RFC5: variants seen among roughly 807,000 people sequenced by gnomAD.
The protein encoded by RFC5 is replication factor C subunit 5, also known as A1 36 kDa subunit.
In RFC5, 26 loss-of-function variants were observed where a neutral mutation model predicts 44.3. The observed-to-expected ratio is 0.59, with a 90% CI of 0.43 to 0.81. RFC5 has a LOEUF of 0.81. Ranked by LOEUF, RFC5 falls within the 40% of genes least tolerant of loss-of-function variation. The probability of loss-of-function intolerance (pLI) is 0.00; values close to 1 mark genes in which losing one functional copy is unlikely to be tolerated. For missense variants in RFC5, 328 were observed against 418.6 expected, an observed-to-expected ratio of 0.78 and a Z score of 1.89; for synonymous variants, 155 against 155.2, an observed-to-expected ratio of 1.00 and a Z score of 0.01.
downstream of RFC5, chr12:118,035,574 G>A: frequency 2.2e-6 from 1 of 452,976 alleles, no homozygotes; most frequent in Non-Finnish European, 4.0e-6. Flanking sequence ...AAGTAGGTCA[G>A]CCCTCACTTT....
At chr12:118,038,859 TTAGTA>T in the RFC5 span, among the ~76,000 whole-genome samples, 4 of 152,138 alleles carry the variant, frequency 2.6e-5, no homozygotes, top group Admixed American at 2.6e-4. Flanking sequence ...TTTTGTACTT[TTAGTA>T]GAGACAGGGT....
chr12:118,033,971 C>T, downstream of RFC5: 1 of 569,344 alleles, frequency 1.8e-6, no homozygotes, highest in Non-Finnish European at 3.1e-6. Context: ...ACGTAAGGCT[C>T]TGTTGCCGTG....
intron 1 of RFC5, among the ~76,000 whole-genome samples, chr12:118,017,136 A>G (rs369072182): frequency 6.6e-4 from 100 of 152,234 alleles, no homozygotes; most frequent in African/African-American, 2.3e-3. Context: ...GCCGAAGAAG[A>G]AGGCGGCTTT....
rs2030343260 is a variant in RFC5, at chr12:118,019,583, AG to A, written c.131-47del. 1 of 1,610,488 alleles carries A rather than the reference AG, an allele frequency of 6.2e-7. No homozygotes were observed. Among genetic ancestry groups the A allele is most frequent in the Non-Finnish European group, 8.5e-7 (1 of 1,177,704 alleles). ...CCAACTCAGGAGCCCAGGGTGAATG[AG>A]GCAGCTCCCAAAGACTGATGGTGCC... On this transcript the variant is annotated intron_variant, in intron 2 of 10. Coordinates refer to ENST00000454402, the MANE Select transcript of RFC5 (RefSeq NM_007370.7). This position sits in a 1 kb window ranked among gnomAD's most constrained non-coding sequence, Gnocchi z 4.2.
At chr12:118,032,473 T>C (rs1415883047), downstream of RFC5, 1 of 152,196 alleles carries the variant, frequency 6.6e-6, no homozygotes, top group Non-Finnish European at 1.5e-5. Context: ...TTTTATGTGT[T>C]TATTTTTTGA....
downstream of RFC5, among the ~76,000 whole-genome samples, chr12:118,036,695 T>C (rs1409579668): frequency 3.9e-5 from 6 of 152,106 alleles, no homozygotes; most frequent in Non-Finnish European, 8.8e-5. Flanking sequence ...TCTGGATTCT[T>C]GAGGATTTAA....
chr12:118,035,173 C>T (rs1396747375), downstream of RFC5: 1 of 1,613,168 alleles, frequency 6.2e-7, no homozygotes, highest in Non-Finnish European at 8.5e-7. Context: ...TACTTGCAAG[C>T]ACTTGTTCTG....
intron 4 of RFC5, among the ~76,000 whole-genome samples, chr12:118,021,910 T>A (rs944352620): frequency 1.3e-5 from 2 of 151,534 alleles, no homozygotes; most frequent in African/African-American, 4.9e-5. Context: ...CGAGCCAAGA[T>A]CGCGGCACTG....
chr12:118,027,564 C>T (rs1424553345), intron 8 of RFC5, among the ~76,000 whole-genome samples: 3 of 150,832 alleles, frequency 2.0e-5, no homozygotes, highest in Non-Finnish European at 4.4e-5. Context: ...TCCAGCTACT[C>T]GGGAGGCTGA....
intron 8 of RFC5, among the ~76,000 whole-genome samples, chr12:118,027,653 CAG>C (rs1412391480): frequency 6.9e-6 from 1 of 145,092 alleles, no homozygotes; most frequent in Non-Finnish European, 1.5e-5. Flanking sequence ...GCCTGGGTGA[CAG>C]AGGGAGATTC....
chr12:118,025,530 T>C, intron 6 of RFC5: 2 of 480,842 alleles, frequency 4.2e-6, no homozygotes, highest in Non-Finnish European at 3.7e-6. Flanking sequence ...AAATTCAGGC[T>C]GTTCTCGATT....
downstream of RFC5, chr12:118,034,046 T>C: frequency 1.9e-6 from 2 of 1,046,744 alleles, no homozygotes; most frequent in Non-Finnish European, 2.8e-6. Context: ...CCATGACTAG[T>C]ACACTGGAAT....
intron 8 of RFC5, chr12:118,027,286 T>C (rs892075802): frequency 1.2e-5 from 5 of 407,508 alleles, no homozygotes; most frequent in Non-Finnish European, 1.8e-5. Context: ...GGCCTTGGCA[T>C]TGAAGATGCA....
chr12:118,018,656 C>T (rs1005545638), intron 1 of RFC5, among the ~76,000 whole-genome samples: 1 of 151,950 alleles, frequency 6.6e-6, no homozygotes, highest in Admixed American at 6.6e-5. Flanking sequence ...GGCTGGAGTG[C>T]TGGAGTGCAG....
At chr12:118,028,354 G>A (rs2031091752) in intron 9 of RFC5, among the ~76,000 whole-genome samples, 2 of 151,878 alleles carry the variant, frequency 1.3e-5, no homozygotes, top group Non-Finnish European at 2.9e-5. Context: ...GCATGGTGGC[G>A]CACGCCTGTA....
At chr12:118,036,462 C>T (rs1292799648), downstream of RFC5, 1 of 1,614,056 alleles carries the variant, frequency 6.2e-7, no homozygotes, top group Admixed American at 1.7e-5. Flanking sequence ...CTTTGATGGC[C>T]CTCTAGCTTC....
Position 118,024,988 on chromosome 12 carries a change from G to A in RFC5, c.559G>A (p.Glu187Lys), listed in dbSNP as rs772149737. The A allele has an allele frequency of 1.9e-6, 3 of 1,613,666 alleles. No homozygotes were observed. Among genetic ancestry groups the A allele is most frequent in the African/African-American group, 2.7e-5 (2 of 74,888 alleles). Residue 187 changes from glutamate to lysine, a missense_variant, in exon 6 of 11, where the codon GAA (glutamate) becomes AAA (lysine). Transcript: ENST00000454402. Reference sequence around the variant, plus strand: ...TCCTGAACTCATGGTTCCCCGCCTGGAACATGTCGTGGAAGAAGAGAAGTG... The same window carrying A: ...TCCTGAACTCATGGTTCCCCGCCTGAAACATGTCGTGGAAGAAGAGAAGTG... The part of the protein sequence containing the change: ...LTPELMVPRL[E>K]HVVEEEKVDI...
chr12:118,017,634 C>T, intron 1 of RFC5: 2 of 1,025,306 alleles, frequency 2.0e-6, no homozygotes, highest in Non-Finnish European at 2.4e-6. Flanking sequence ...TTAAAAAAAA[C>T]CCAGAAGATT....
At chr12:118,022,854 A>G (rs2030609805) in intron 5 of RFC5, among the ~76,000 whole-genome samples, 1 of 152,098 alleles carries the variant, frequency 6.6e-6, no homozygotes. Flanking sequence ...AGAAATCTCT[A>G]TGCCTTTCTC....
Sources: gnomAD v4.1 joint callset for allele counts (sites outside exome capture counted in the v4.1 genomes callset) on GRCh38, gnomAD v4.1.1 for gene constraint, Gnocchi (gnomAD v3.1) non-coding constraint, MANE v1.5 for transcripts, NCBI Gene and HGNC (gene_info 2026-07-23, HGNC 2026-07-21) for gene names.